The following MMP24 variants were observed in gnomAD, a reference collection of about 807,000 sequenced individuals.
The protein encoded by MMP24 is matrix metallopeptidase 24.
In MMP24, 25 loss-of-function variants were observed where a neutral mutation model predicts 62.8. That is an observed-to-expected ratio of 0.40 (90% CI 0.29 to 0.56). MMP24 has a LOEUF of 0.56. MMP24 is among the 20% of genes least tolerant of loss of function. MMP24 has a pLI of 0.50. For missense variants in MMP24, 634 were observed against 853.6 expected (o/e 0.74, Z 3.21); for synonymous variants, 319 against 350.5 (o/e 0.91, Z 1.00).
intron 4 of MMP24, among the ~76,000 whole-genome samples, chr20:35,262,212 G>A (rs1289667710): frequency 6.6e-6 from 1 of 152,140 alleles, no homozygotes; most frequent in Non-Finnish European, 1.5e-5. Flanking sequence ...CAGAGACAAA[G>A]TATAGAGAAA....
At chr20:35,235,706 A>AT (rs2060459676) in intron 1 of MMP24, among the ~76,000 whole-genome samples, 1 of 152,126 alleles carries the variant, frequency 6.6e-6, no homozygotes, top group African/African-American at 2.4e-5. Context: ...CTCAAAAAAA[A>AT]ATTTTTTTTA....
chr20:35,271,876 T>G lies in MMP24; in HGVS notation c.1600+41T>G. ...GCCAGGGTGGGCATGGGGAGCCGGT[T>G]TTATGTGGTCCTCACCAGTGCCCAC... On this transcript the variant is annotated intron_variant, in intron 8 of 8. Transcript: ENST00000246186. This position sits in a 1 kb window ranked among gnomAD's most constrained non-coding sequence, Gnocchi z 4.0. 6.3e-7 allele frequency: 1 copy of G among 1,575,782 alleles called. No homozygotes were observed.
chr20:35,247,408 G>A (rs1053475256), intron 2 of MMP24, among the ~76,000 whole-genome samples: 1 of 152,108 alleles, frequency 6.6e-6, no homozygotes, highest in African/African-American at 2.4e-5. Context: ...CCAAACATGT[G>A]CTGGGTGCCT....
chr20:35,267,478 ACAT>A (rs996486438), intron 6 of MMP24, 59 bp downstream of exon 6: 4 of 1,478,180 alleles, frequency 2.7e-6, no homozygotes, highest in Non-Finnish European at 3.7e-6. Context: ...CTCCTCCCCG[ACAT>A]CATGGAGCTG....
rs182782126 is a variant in MMP24, at chr20:35,249,762, T to A, written c.396-2143T>A. 3.8e-4 allele frequency among the ~76,000 whole-genome samples: 57 copies of A among 149,610 alleles called. No homozygotes were observed. In the East Asian group the frequency reaches 0.01, roughly 27 times the overall value. On this transcript the variant is annotated intron_variant, in intron 2 of 8. Transcript: ENST00000246186. The stretch of plus-strand genomic sequence containing the variant: ...CGCCACCACGCCCGGCTAATTTTTT[T>A]TTTTTATTTTTTAGTACAGACGGGG...
chr20:35,266,106 G>A (rs1166938130), intron 5 of MMP24, among the ~76,000 whole-genome samples: 9 of 150,678 alleles, frequency 6.0e-5, no homozygotes, highest in Non-Finnish European at 8.8e-5. Context: ...GGGAGGCCAA[G>A]GTGGGTGGAT....
At chr20:35,261,981 T>C (rs1340956115) in intron 4 of MMP24, among the ~76,000 whole-genome samples, 4 of 151,954 alleles carry the variant, frequency 2.6e-5, no homozygotes, top group Admixed American at 1.3e-4. Context: ...TTGGTATTTT[T>C]AGTAGAGATG....
chr20:35,264,058 C>A, intron 5 of MMP24, 106 bp downstream of exon 5: 1 of 1,233,922 alleles, frequency 8.1e-7, no homozygotes, highest in Non-Finnish European at 1.1e-6. Flanking sequence ...CTATCATCAG[C>A]ACTGCTGCTG....
intron 1 of MMP24, among the ~76,000 whole-genome samples, chr20:35,236,469 G>A (rs377750497): frequency 2.0e-5 from 3 of 152,156 alleles, no homozygotes; most frequent in South Asian, 4.1e-4. Flanking sequence ...GAAATTTTAC[G>A]AATTAGTTAT....
At chr20:35,234,368 C>A (rs1187037561) in intron 1 of MMP24, among the ~76,000 whole-genome samples, 4 of 152,182 alleles carry the variant, frequency 2.6e-5, no homozygotes, top group African/African-American at 9.7e-5. Context: ...ATTTCCATGT[C>A]TATCTCTCCC....
intron 4 of MMP24, chr20:35,263,042 C>A: frequency 6.6e-6 from 1 of 152,522 alleles, no homozygotes; most frequent in Non-Finnish European, 1.5e-5. Flanking sequence ...ATGTCTACTT[C>A]TTTCTGCACA....
Position 35,247,214 on chromosome 20 carries a change from C to T in MMP24, c.395+226C>T, listed in dbSNP as rs543720785. Among the ~76,000 whole-genome samples the T allele has an allele frequency of 3.6e-4, 55 of 152,220 alleles. No homozygotes were observed. The South Asian group carries it at 7.7e-3, about 21-fold the overall frequency. ...TGACCTTGGAGACAAGTTGCTTAAC[C>T]CTTCTGGACCTCAGTTTCCTTATCA... On this transcript the variant is annotated intron_variant, in intron 2 of 8. Transcript: ENST00000246186.
Position 35,274,496 on chromosome 20 carries a change from T to C in MMP24, c.1825T>C (p.Cys609Arg), listed in dbSNP as rs1433087982. The change falls in exon 9 of 9, where the codon TGC (cysteine) becomes CGC (arginine). Residue 609 changes from cysteine (C) to arginine (R), a missense_variant. This residue lies in a region of MMP24 where 399 missense variants were observed against 530.8 expected (regional missense o/e 0.75). Coordinates refer to ENST00000246186, the MANE Select transcript of MMP24 (RefSeq NM_006690.4). The surrounding 1 kb of genome is among the most constrained non-coding windows in gnomAD (Gnocchi z 5.1). ...SVNAVAVVIPCILSLCILVLV... is the reference protein window; with the variant it reads ...SVNAVAVVIPRILSLCILVLV... ...GAACGCCGTGGCCGTGGTCATCCCC[T>C]GCATCCTGTCCCTCTGCATCCTGGT... 6.2e-7 allele frequency: 1 copy of C among 1,613,908 alleles called. No individual in the cohort carries two copies. The highest frequency in any genetic ancestry group is 8.5e-7 in the Non-Finnish European group (1 of 1,179,892).
chr20:35,254,823 C>T, intron 4 of MMP24, 69 bp downstream of exon 4: 1 of 1,492,214 alleles, frequency 6.7e-7, no homozygotes, highest in Non-Finnish European at 9.0e-7. Flanking sequence ...TGGAGGACAT[C>T]CTAGATGAGT....
intron 2 of MMP24, among the ~76,000 whole-genome samples, chr20:35,248,882 G>A (rs2060529897): frequency 6.6e-6 from 1 of 152,168 alleles, no homozygotes; most frequent in East Asian, 1.9e-4. Context: ...CAGAAGCACT[G>A]GTGTCTCTGC....
chr20:35,265,730 T>C (rs1212378971), intron 5 of MMP24, among the ~76,000 whole-genome samples: 2 of 151,006 alleles, frequency 1.3e-5, no homozygotes, highest in Non-Finnish European at 3.0e-5. Flanking sequence ...CCCAAAAATA[T>C]ATTAAAATTA....
intron 3 of MMP24, among the ~76,000 whole-genome samples, chr20:35,253,090 G>A (rs12481487): frequency 0.13 from 17,260 of 131,458 alleles, 237 homozygotes; most frequent in Middle Eastern, 0.24. Context: ...GGCAGGCTCA[G>A]GTGGGGCTGG....
intron 2 of MMP24, among the ~76,000 whole-genome samples, chr20:35,251,192 C>T (rs1215356533): frequency 1.3e-5 from 2 of 150,366 alleles, no homozygotes; most frequent in Non-Finnish European, 2.9e-5. Context: ...AATCTTGGTT[C>T]ACTGCAACCT....
At chr20:35,235,776 T>C (rs929730994) in intron 1 of MMP24, among the ~76,000 whole-genome samples, 3 of 152,110 alleles carry the variant, frequency 2.0e-5, no homozygotes, top group Admixed American at 2.0e-4. Flanking sequence ...TTTTCCCTTT[T>C]CTTAACTCAC....
Sources: gnomAD v4.1 joint callset for allele counts (sites outside exome capture counted in the v4.1 genomes callset) on GRCh38, gnomAD v4.1.1 for gene constraint, gnomAD v4.1.1 regional missense constraint, Gnocchi (gnomAD v3.1) non-coding constraint, MANE v1.5 for transcripts, NCBI Gene and HGNC (gene_info 2026-07-23, HGNC 2026-07-21) for gene names.